Variants in KIAA1671 observed in about 807,000 individuals in gnomAD.
KIAA1671 encodes KIAA1671.
A neutral mutation model predicts 131.2 loss-of-function variants in KIAA1671; 52 were observed. The ratio of observed to expected loss-of-function variants is 0.40; its 90% confidence interval spans 0.32 to 0.50. The LOEUF is 0.50. Ranked by LOEUF, KIAA1671 falls within the 20% of genes least tolerant of loss-of-function variation. The pLI, the probability that KIAA1671 is intolerant of heterozygous loss-of-function variation, is 0.73. For synonymous variants in KIAA1671, 1,003 were observed against 961.6 expected (o/e 1.04, Z -0.80); for missense variants, 2,360 against 2,364.2 (o/e 1.00, Z 0.04).
At chr22:25,123,190 G>T (rs1055431698) in intron 6 of KIAA1671, among the ~76,000 whole-genome samples, 1 of 63,376 alleles carries the variant, frequency 1.6e-5, no homozygotes, top group African/African-American at 8.4e-5. Flanking sequence ...CTGAGATGAG[G>T]TTTTTTTTTT....
At chr22:24,974,236 C>T (rs1307388315) in intron 1 of KIAA1671, among the ~76,000 whole-genome samples, 1 of 152,178 alleles carries the variant, frequency 6.6e-6, no homozygotes, top group Non-Finnish European at 1.5e-5. Flanking sequence ...TCCAGCCTGA[C>T]TTTTCCCAGC....
chr22:25,133,909 G>C (rs1034014992), intron 6 of KIAA1671, among the ~76,000 whole-genome samples: 1 of 152,216 alleles, frequency 6.6e-6, no homozygotes, highest in Non-Finnish European at 1.5e-5. Flanking sequence ...ATCACCCTCA[G>C]TCTAGACATT....
chr22:25,183,424 C>G (rs557341198), intron 10 of KIAA1671, among the ~76,000 whole-genome samples: 3 of 137,400 alleles, frequency 2.2e-5, no homozygotes, highest in Non-Finnish European at 4.7e-5. Context: ...TTCTGACTTT[C>G]TTTCCCTCCC....
intron 6 of KIAA1671, 29 bp downstream of exon 6, chr22:25,049,393 T>C (rs2145819839): frequency 3.9e-6 from 6 of 1,541,484 alleles, no homozygotes; most frequent in Non-Finnish European, 8.8e-7. Context: ...CTGGAGAGGA[T>C]TGCACAGGGG....
intron 1 of KIAA1671, chr22:25,013,181 G>A (rs1925127759): frequency 6.6e-6 from 1 of 152,230 alleles, no homozygotes. Context: ...ATCAGCATAG[G>A]CTTCCTGGAA....
At chr22:25,101,261 G>A (rs1054872872) in intron 6 of KIAA1671, among the ~76,000 whole-genome samples, 2 of 152,170 alleles carry the variant, frequency 1.3e-5, no homozygotes, top group African/African-American at 4.8e-5. Flanking sequence ...CCTGCCGCCT[G>A]CCTTTTTCCA....
At position 25,157,760 on chromosome 22, in the gene KIAA1671, C is replaced by T. The variant is rs117365791; in HGVS notation, c.4531-13060C>T. On this transcript the variant is annotated intron_variant, in intron 6 of 12. Coordinates refer to ENST00000358431, the MANE Select transcript of KIAA1671 (RefSeq NM_001145206.2). ...TCCTATTTTGCACCTAAATGTATCA[C>T]ACAGGCCACCCCAGTTTCACTGTCA... Among the ~76,000 whole-genome samples the T allele has an allele frequency of 5.2e-3, 786 of 152,164 alleles. 3 individuals are homozygous for T. The highest frequency in any genetic ancestry group is 9.2e-3 in the Non-Finnish European group (628 of 67,988).
chr22:25,153,356 G>A (rs1488914263), intron 6 of KIAA1671, among the ~76,000 whole-genome samples: 2 of 152,180 alleles, frequency 1.3e-5, no homozygotes, highest in Admixed American at 6.5e-5. Flanking sequence ...TTTGGTTGTT[G>A]TGATGGAATG....
In KIAA1671 at chr22:25,041,986, C is replaced by T. The variant is rs374124204; in HGVS notation, c.4395+461C>T. Among the ~76,000 whole-genome samples, 13 of 152,326 alleles carry T rather than the reference C, an allele frequency of 8.5e-5. 1 individual carries two copies. Among genetic ancestry groups the T allele is most frequent in the South Asian group, 6.2e-4 (3 of 4,820 alleles). On this transcript the variant is annotated intron_variant, in intron 5 of 12. Coordinates refer to ENST00000358431, the MANE Select transcript of KIAA1671 (RefSeq NM_001145206.2). Reference sequence around the variant, plus strand: ...CTCAAACTCCTGGGCTCAAGTGATCCTCCTGCCTCGGCCTCCCAAAGTGCT... The same window carrying T: ...CTCAAACTCCTGGGCTCAAGTGATCTTCCTGCCTCGGCCTCCCAAAGTGCT...
chr22:25,017,089 A>T (rs2123884715), intron 1 of KIAA1671, among the ~76,000 whole-genome samples: 1 of 152,138 alleles, frequency 6.6e-6, no homozygotes, highest in Non-Finnish European at 1.5e-5. Flanking sequence ...TGCCCTAGAA[A>T]GGGGTGGTAA....
At chr22:25,177,286 G>C in intron 8 of KIAA1671, 62 bp from the exon 9 acceptor site, 1 of 1,458,718 alleles carries the variant, frequency 6.9e-7, no homozygotes, top group Non-Finnish European at 9.2e-7. Flanking sequence ...CAACTGTGTT[G>C]TGGTACCCTC....
intron 1 of KIAA1671, among the ~76,000 whole-genome samples, chr22:24,973,538 CAT>C (rs1569195728): frequency 2.0e-5 from 3 of 147,736 alleles, no homozygotes; most frequent in Admixed American, 6.7e-5. Flanking sequence ...GGGATACAGG[CAT>C]GTGCCACCAT....
At chr22:25,184,947 C>T (rs1391536186) in intron 10 of KIAA1671, 30 bp from the exon 11 acceptor site, 1 of 1,550,464 alleles carries the variant, frequency 6.4e-7, no homozygotes, top group Non-Finnish European at 8.7e-7. Flanking sequence ...CAAAGGGCAG[C>T]TTATAGACTC....
At chr22:24,984,055 G>A (rs984107220) in intron 1 of KIAA1671, among the ~76,000 whole-genome samples, 1 of 152,110 alleles carries the variant, frequency 6.6e-6, no homozygotes, top group Non-Finnish European at 1.5e-5. Flanking sequence ...TAGGATTACA[G>A]GTGTGAGCAA....
intron 5 of KIAA1671, among the ~76,000 whole-genome samples, chr22:25,044,995 C>T (rs62233177): frequency 0.036 from 5,410 of 152,118 alleles, 129 homozygotes; most frequent in Non-Finnish European, 0.056. Flanking sequence ...CCTGTCTCTA[C>T]TAAAACTACA....
At chr22:25,049,157 T>C in intron 5 of KIAA1671, 73 bp from the exon 6 acceptor site, 2 of 1,507,138 alleles carry the variant, frequency 1.3e-6, no homozygotes, top group Admixed American at 2.1e-5. Flanking sequence ...GAATGGACTC[T>C]TGGCATAATA....
At chr22:25,060,292 C>T (rs1928090707) in intron 6 of KIAA1671, 1 of 152,252 alleles carries the variant, frequency 6.6e-6, no homozygotes, top group Non-Finnish European at 1.5e-5. Context: ...AAGTGATTCT[C>T]CTGACTCAGC....
chr22:24,971,300 G>A (rs1242054817), intron 1 of KIAA1671, among the ~76,000 whole-genome samples: 1 of 152,160 alleles, frequency 6.6e-6, no homozygotes, highest in Non-Finnish European at 1.5e-5. Context: ...GATTCCACAT[G>A]GGAAGTGATC....
intron 6 of KIAA1671, among the ~76,000 whole-genome samples, chr22:25,168,291 G>A (rs1314896127): frequency 6.6e-6 from 1 of 152,220 alleles, no homozygotes; most frequent in African/African-American, 2.4e-5. Flanking sequence ...CGTCTGTGCC[G>A]TGACCTCCCA....
Sources: allele counts gnomAD v4.1 joint callset (sites outside exome capture counted in the v4.1 genomes callset), GRCh38; gene constraint gnomAD v4.1.1; transcripts MANE v1.5; gene names NCBI Gene and HGNC (gene_info 2026-07-23, HGNC 2026-07-21).